The following SFXN1 variants were observed in gnomAD, a reference collection of about 807,000 sequenced individuals.
SFXN1 encodes sideroflexin-1.
A neutral mutation model predicts 39.5 loss-of-function variants in SFXN1; 32 were observed. The ratio of observed to expected loss-of-function variants is 0.81; its 90% confidence interval spans 0.61 to 1.09. The LOEUF (loss-of-function observed/expected upper bound fraction) is 1.09. Ranked by LOEUF, SFXN1 falls within the 50% of genes least tolerant of loss-of-function variation. SFXN1 has a pLI of 0.00. For synonymous variants in SFXN1, 136 were observed against 146.5 expected, an observed-to-expected ratio of 0.93 and a Z score of 0.52; for missense variants, 402 against 407.1, an observed-to-expected ratio of 0.99 and a Z score of 0.11.
intron 1 of SFXN1, among the ~76,000 whole-genome samples, chr5:175,489,578 A>G (rs1360361120): frequency 1.3e-5 from 2 of 152,206 alleles, no homozygotes; most frequent in Non-Finnish European, 2.9e-5. Flanking sequence ...TTGTATCCCC[A>G]TGATGGTGGC....
At chr5:175,482,249 C>T (rs73339411) in intron 1 of SFXN1, among the ~76,000 whole-genome samples, 327 of 152,324 alleles carry the variant, frequency 2.1e-3, no homozygotes, top group African/African-American at 7.6e-3. Context: ...CAGACCCTTT[C>T]ATAACTCTTT....
intron 2 of SFXN1, among the ~76,000 whole-genome samples, chr5:175,505,639 G>A (rs183823705): frequency 2.0e-4 from 30 of 151,768 alleles, no homozygotes; most frequent in East Asian, 9.6e-4. Context: ...GAAGAATAGC[G>A]TGTGGGACGG....
At chr5:175,496,655 G>A (rs1438077903) in intron 2 of SFXN1, among the ~76,000 whole-genome samples, 1 of 152,098 alleles carries the variant, frequency 6.6e-6, no homozygotes, top group East Asian at 1.9e-4. Context: ...AAATTGGGTG[G>A]AAACACTTAA....
chr5:175,492,623 A>G (rs920873873), intron 2 of SFXN1: 1 of 171,830 alleles, frequency 5.8e-6, no homozygotes, highest in African/African-American at 2.4e-5. Context: ...CAGAAACAGC[A>G]TTATGCAAAA....
chr5:175,504,621 C>G (rs1305311530), intron 2 of SFXN1, among the ~76,000 whole-genome samples: 1 of 150,186 alleles, frequency 6.7e-6, no homozygotes, highest in Non-Finnish European at 1.5e-5. Context: ...AACCATAGAA[C>G]AAATTAAAAT....
At chr5:175,499,127 T>C (rs1019449070) in intron 2 of SFXN1, among the ~76,000 whole-genome samples, 1 of 152,032 alleles carries the variant, frequency 6.6e-6, no homozygotes, top group African/African-American at 2.4e-5. Flanking sequence ...TGGTAGCTTA[T>C]GCCTGTTATC....
intron 1 of SFXN1, among the ~76,000 whole-genome samples, chr5:175,486,262 A>C (rs747844115): frequency 2.0e-5 from 3 of 152,194 alleles, no homozygotes; most frequent in Non-Finnish European, 4.4e-5. Flanking sequence ...GCTAGAAAAG[A>C]GTGGTGAGTG....
At chr5:175,511,386 T>C (rs926563274) in intron 4 of SFXN1, 65 bp from the exon 5 acceptor site, 24 of 1,183,100 alleles carry the variant, frequency 2.0e-5, no homozygotes, top group Non-Finnish European at 2.9e-5. Flanking sequence ...TTTCTTCAAA[T>C]AATGTTGCAC....
At chr5:175,485,921 C>G (rs1190165880) in intron 1 of SFXN1, among the ~76,000 whole-genome samples, 3 of 152,316 alleles carry the variant, frequency 2.0e-5, no homozygotes, top group South Asian at 2.1e-4. Context: ...CTGAATCACA[C>G]TATTGTCGTG....
chr5:175,529,676 G>A lies in SFXN1; in HGVS notation c.*2942G>A, dbSNP rs549801759. 8.5e-5 allele frequency: 13 copies of A among 152,326 alleles called. No homozygotes were observed. The South Asian group carries it at 2.7e-3, about 32-fold the overall frequency. The allele number at this position is 152,326 out of a possible 1,614,324, so 9.4% of individuals were successfully genotyped here. A position where few individuals can be genotyped will look rare whatever the true frequency, so the allele number is the denominator to read the frequency against. ...AGTATTAGCACAGCGTCTTGCCAGT[G>A]TTGGAGGCCATGTATTATTTCAGTT... On this transcript the variant is annotated 3_prime_UTR_variant, in exon 11 of 11. Transcript: ENST00000321442.
In SFXN1 at chr5:175,509,586, T is replaced by G. The variant is rs187519979; in HGVS notation, c.335+384T>G. Among the ~76,000 whole-genome samples, 1,478 of 152,224 alleles carry G rather than the reference T, an allele frequency of 9.7e-3. 12 individuals are homozygous for G. Among genetic ancestry groups the G allele is most frequent in the Non-Finnish European group, 0.015 (1,035 of 68,004 alleles). ...AGTTGTTCAAAAGGAGGTTGAATTT[T>G]TTTTCTAAATCTTAGCCCCAAAAGA... is the stretch of plus-strand genomic sequence containing the variant. On this transcript the variant is annotated intron_variant, in intron 3 of 10. Transcript: ENST00000321442.
At chr5:175,479,004 G>A (rs1485629400) in intron 1 of SFXN1, among the ~76,000 whole-genome samples, 1 of 152,234 alleles carries the variant, frequency 6.6e-6, no homozygotes, top group Non-Finnish European at 1.5e-5. Flanking sequence ...CAAGATGGCT[G>A]CCTCGGGGGC....
intron 1 of SFXN1, among the ~76,000 whole-genome samples, chr5:175,483,178 T>C (rs1465348009): frequency 1.3e-5 from 2 of 152,138 alleles, no homozygotes; most frequent in Non-Finnish European, 2.9e-5. Context: ...AAAATAATTT[T>C]TCAACATATA....
At chr5:175,512,317 A>G in intron 6 of SFXN1, 121 bp downstream of exon 6, 1 of 857,860 alleles carries the variant, frequency 1.2e-6, no homozygotes, top group Non-Finnish European at 1.8e-6. Context: ...ATTATATGAG[A>G]TCTTGGATTT....
chr5:175,519,480 A>G (rs138159495), intron 8 of SFXN1, among the ~76,000 whole-genome samples: 90 of 152,384 alleles, frequency 5.9e-4, no homozygotes, highest in African/African-American at 2.1e-3. Context: ...TCTTGTGAAT[A>G]CAAGGGAATA....
At chr5:175,487,652 A>G (rs145097639) in intron 1 of SFXN1, among the ~76,000 whole-genome samples, 67 of 152,166 alleles carry the variant, frequency 4.4e-4, no homozygotes, top group African/African-American at 1.5e-3. Flanking sequence ...ATCACATCGC[A>G]TGACTTTAAA....
intron 2 of SFXN1, among the ~76,000 whole-genome samples, chr5:175,496,927 G>A (rs1044475480): frequency 2.0e-5 from 3 of 150,874 alleles, no homozygotes; most frequent in Non-Finnish European, 2.9e-5. Context: ...AGTCTTGCTC[G>A]GTCACCCAGG....
intron 10 of SFXN1, chr5:175,524,041 C>G (rs1760957429): frequency 7.0e-6 from 1 of 143,552 alleles, no homozygotes; most frequent in South Asian, 2.2e-4. Context: ...TAGGCAGAGG[C>G]TGTGGTGAGC....
chr5:175,526,617 G>A (rs756429951), intron 10 of SFXN1, 21 bp from the exon 11 acceptor site: 3 of 1,606,916 alleles, frequency 1.9e-6, no homozygotes, highest in Non-Finnish European at 2.6e-6. Flanking sequence ...TAATAACCCT[G>A]TCATTTCTCC....
Sources: allele counts gnomAD v4.1 joint callset (sites outside exome capture counted in the v4.1 genomes callset), GRCh38; gene constraint gnomAD v4.1.1; transcripts MANE v1.5; gene names NCBI Gene and HGNC (gene_info 2026-07-23, HGNC 2026-07-21).